The following FOXP2 variants were observed in gnomAD, a reference collection of about 807,000 sequenced individuals.
The protein encoded by FOXP2 is forkhead box P2, also known as forkhead box protein P2.
A neutral mutation model predicts 115.8 loss-of-function variants in FOXP2; 12 were observed. The observed-to-expected ratio is 0.10, with a 90% confidence interval of 0.07 to 0.17. FOXP2 has a LOEUF of 0.17. Ranked by LOEUF, FOXP2 falls within the 10% of genes least tolerant of loss-of-function variation. FOXP2 has a pLI of 1.00. For synonymous variants in FOXP2, 328 were observed against 297.7 expected (o/e 1.10, Z -1.05); for missense variants, 629 against 843.5 (o/e 0.75, Z 3.15).
At chr7:114,097,950 A>G (rs1159594880) in intron 1 of FOXP2, among the ~76,000 whole-genome samples, 2 of 152,266 alleles carry the variant, frequency 1.3e-5, no homozygotes, top group East Asian at 3.8e-4. Context: ...CTTTGAGATC[A>G]TGAAATAATT....
intron 2 of FOXP2, among the ~76,000 whole-genome samples, chr7:114,461,744 C>T (rs1226481528): frequency 6.6e-6 from 1 of 152,038 alleles, no homozygotes; most frequent in Admixed American, 6.6e-5. Flanking sequence ...CCTTCCCTTC[C>T]CTTGATTATT....
At chr7:114,472,215 A>T (rs1449681228) in intron 2 of FOXP2, among the ~76,000 whole-genome samples, 1 of 151,104 alleles carries the variant, frequency 6.6e-6, no homozygotes, top group Non-Finnish European at 1.5e-5. Context: ...TTTTAAAGTT[A>T]AAAAAAAAGA....
intron 2 of FOXP2, among the ~76,000 whole-genome samples, chr7:114,367,917 G>GT (rs779628337): frequency 1.3e-5 from 2 of 151,968 alleles, no homozygotes; most frequent in South Asian, 2.1e-4. Flanking sequence ...TAAAATTAAG[G>GT]TTTTTTGGTA....
intron 3 of FOXP2, among the ~76,000 whole-genome samples, chr7:114,613,519 CA>C: frequency 6.6e-6 from 1 of 151,538 alleles, no homozygotes; most frequent in East Asian, 1.9e-4. Context: ...ACTAAAAATA[CA>C]AAAAATTAGC....
At chr7:114,512,673 G>A (rs1363749590) in intron 2 of FOXP2, among the ~76,000 whole-genome samples, 2 of 152,126 alleles carry the variant, frequency 1.3e-5, no homozygotes, top group Non-Finnish European at 2.9e-5. Flanking sequence ...ATGGAGAATA[G>A]GATAATCTCA....
At chr7:114,530,731 G>C (rs1198450296) in intron 2 of FOXP2, among the ~76,000 whole-genome samples, 2 of 151,770 alleles carry the variant, frequency 1.3e-5, no homozygotes, top group Non-Finnish European at 2.9e-5. Context: ...ATTATTCTGT[G>C]AGGTTCATAA....
At chr7:114,553,093 T>G (rs1220641973) in intron 3 of FOXP2, among the ~76,000 whole-genome samples, 4 of 152,130 alleles carry the variant, frequency 2.6e-5, no homozygotes, top group Non-Finnish European at 5.9e-5. Flanking sequence ...TGACAAAGTA[T>G]TTTAGGAAAA....
At chr7:114,522,939 C>T (rs1367517460) in intron 2 of FOXP2, among the ~76,000 whole-genome samples, 1 of 151,328 alleles carries the variant, frequency 6.6e-6, no homozygotes, top group African/African-American at 2.4e-5. Flanking sequence ...TCATACTTTA[C>T]CTTACAAACA....
chr7:114,349,268 A>G (rs1018205701), intron 2 of FOXP2, among the ~76,000 whole-genome samples: 13 of 152,072 alleles, frequency 8.5e-5, no homozygotes, highest in African/African-American at 3.1e-4. Flanking sequence ...ATAAAAGCCT[A>G]GTGTTTGATA....
intron 2 of FOXP2, among the ~76,000 whole-genome samples, chr7:114,464,397 T>C (rs1293845897): frequency 6.6e-6 from 1 of 152,192 alleles, no homozygotes; most frequent in East Asian, 1.9e-4. Flanking sequence ...AGAAAAACTT[T>C]TGTCCAACTA....
chr7:114,390,508 T>TA, intron 2 of FOXP2, among the ~76,000 whole-genome samples: 1 of 62,774 alleles, frequency 1.6e-5, no homozygotes, highest in African/African-American at 4.7e-5. Context: ...GCACCATACT[T>TA]TTGTTTTATT....
intron 2 of FOXP2, among the ~76,000 whole-genome samples, chr7:114,327,249 G>A (rs1279460053): frequency 6.6e-6 from 1 of 152,100 alleles, no homozygotes; most frequent in Non-Finnish European, 1.5e-5. Context: ...CTTAGCAGTA[G>A]GTGGAACACA....
intron 1 of FOXP2, among the ~76,000 whole-genome samples, chr7:114,197,472 C>T (rs1163660007): frequency 6.6e-6 from 1 of 152,134 alleles, no homozygotes; most frequent in Admixed American, 6.5e-5. Flanking sequence ...TGAGGGCATT[C>T]ATCCCATCAT....
intron 13 of FOXP2, 86 bp downstream of exon 13, chr7:114,659,759 G>A: frequency 9.8e-7 from 1 of 1,021,916 alleles, no homozygotes; most frequent in Admixed American, 1.7e-5. Flanking sequence ...GACATAAGCA[G>A]ATTAGTATCT....
chr7:114,467,332 A>G (rs1795846739), intron 2 of FOXP2, among the ~76,000 whole-genome samples: 1 of 152,194 alleles, frequency 6.6e-6, no homozygotes, highest in African/African-American at 2.4e-5. Context: ...TATAAGCACC[A>G]TTTACATAAG....
intron 3 of FOXP2, among the ~76,000 whole-genome samples, chr7:114,549,092 G>A (rs561497665): frequency 6.6e-6 from 1 of 152,138 alleles, no homozygotes; most frequent in Admixed American, 6.5e-5. Flanking sequence ...TGATACTTGT[G>A]GGGTACCTAG....
intron 2 of FOXP2, among the ~76,000 whole-genome samples, chr7:114,291,426 A>G (rs966587494): frequency 2.6e-5 from 4 of 152,148 alleles, no homozygotes; most frequent in Non-Finnish European, 5.9e-5. Context: ...AGTGTATTGC[A>G]TTATGTACCT....
intron 1 of FOXP2, among the ~76,000 whole-genome samples, chr7:114,119,821 T>C (rs1791510061): frequency 6.6e-6 from 1 of 152,270 alleles, no homozygotes; most frequent in East Asian, 1.9e-4. Context: ...TTTTAAAACA[T>C]TGATATGCTT....
At chr7:114,652,176 T>A in intron 8 of FOXP2, 27 bp from the exon 9 acceptor site, 1 of 1,608,494 alleles carries the variant, frequency 6.2e-7, no homozygotes, top group Non-Finnish European at 8.5e-7. Flanking sequence ...CACTTTACAT[T>A]CTGTTTTGTG....
Sources: allele counts gnomAD v4.1 joint callset (sites outside exome capture counted in the v4.1 genomes callset), GRCh38; gene constraint gnomAD v4.1.1; transcripts MANE v1.5; gene names NCBI Gene and HGNC (gene_info 2026-07-23, HGNC 2026-07-21).